ANKRD62: variants seen among roughly 807,000 people sequenced by gnomAD.
ANKRD62 encodes the protein ankyrin repeat domain-containing protein 62.
ANKRD62 carries 61 observed loss-of-function variants against 98.8 expected under a neutral mutation model. The observed-to-expected ratio is 0.62, with a 90% CI of 0.50 to 0.76. The LOEUF is 0.76. Ranked by LOEUF, ANKRD62 falls within the 30% of genes least tolerant of loss-of-function variation. The pLI is 0.00. For synonymous variants in ANKRD62, 341 were observed against 367.9 expected (o/e 0.93, Z 0.84); for missense variants, 933 against 1,082.9 (o/e 0.86, Z 1.94).
At chr18:12,177,670 C>T in the ANKRD62 span, among the ~76,000 whole-genome samples, 5 of 151,850 alleles carry the variant, frequency 3.3e-5, no homozygotes, top group South Asian at 2.1e-4. Context: ...TTCCCCCTAT[C>T]CCTTCATTTC....
At chr18:12,126,896 T>C (rs1909904226) in intron 13 of ANKRD62, among the ~76,000 whole-genome samples, 1 of 152,224 alleles carries the variant, frequency 6.6e-6, no homozygotes, top group Non-Finnish European at 1.5e-5. Flanking sequence ...TTTTTATTCA[T>C]GTCAATTTGA....
Position 12,111,209 on chromosome 18 carries a change from A to G in ANKRD62, c.1064+3742A>G, listed in dbSNP as rs1458268529. On this transcript the variant is annotated intron_variant, in intron 8 of 13. Coordinates refer to ENST00000587848, the MANE Select transcript of ANKRD62 (RefSeq NM_001277333.2). Reference sequence around the variant, plus strand: ...GGTTGCAGTGAGCCAAGATTGCACCACTGCACTCCAGCCTTGGTGATAGAG... The same window carrying G: ...GGTTGCAGTGAGCCAAGATTGCACCGCTGCACTCCAGCCTTGGTGATAGAG... 2.0e-5 allele frequency among the ~76,000 whole-genome samples: 3 copies of G among 151,596 alleles called. No homozygotes were observed. The East Asian group carries it at 5.8e-4, about 29-fold the overall frequency.
chr18:12,122,546 TC>T (rs1179505561), intron 11 of ANKRD62, 30 bp downstream of exon 11: 10 of 1,481,098 alleles, frequency 6.8e-6, no homozygotes, highest in Non-Finnish European at 8.9e-6. Context: ...AAGAAATATT[TC>T]AACTATTTAT....
At chr18:12,102,212 A>C in intron 6 of ANKRD62, 1 of 811,754 alleles carries the variant, frequency 1.2e-6, no homozygotes, top group Non-Finnish European at 2.2e-6. Flanking sequence ...CACAGAGCCA[A>C]GGATTCAAAT....
At chr18:12,161,530 C>A in the ANKRD62 span, among the ~76,000 whole-genome samples, 2 of 152,082 alleles carry the variant, frequency 1.3e-5, no homozygotes, top group East Asian at 3.9e-4. Context: ...TTTTGTGTTA[C>A]AAACCATCCA....
At chr18:12,161,430 A>T in the ANKRD62 span, among the ~76,000 whole-genome samples, 2 of 151,962 alleles carry the variant, frequency 1.3e-5, no homozygotes, top group African/African-American at 4.8e-5. Flanking sequence ...GTAGGTATAT[A>T]TATTTGTTGA....
At chr18:12,137,106 G>C in the ANKRD62 span, among the ~76,000 whole-genome samples, 1 of 152,144 alleles carries the variant, frequency 6.6e-6, no homozygotes, top group African/African-American at 2.4e-5. Context: ...TGGTAAGAGA[G>C]GGCATCCCTG....
Position 12,115,429 on chromosome 18 carries a change from G to T in ANKRD62, c.1135G>T (p.Asp379Tyr). 1 of 1,536,640 alleles carries T rather than the reference G, an allele frequency of 6.5e-7. No homozygotes were observed. Among genetic ancestry groups the T allele is most frequent in the South Asian group, 1.2e-5 (1 of 83,858 alleles). ...AATATATTTCACGGATGACCTTAATGACATAAGTGGGTCATCTGAAAAAAC... is the reference window on the plus strand; with the variant it reads ...AATATATTTCACGGATGACCTTAATTACATAAGTGGGTCATCTGAAAAAAC... The part of the protein sequence containing the change: ...SQIYFTDDLN[D>Y]ISGSSEKTSE... Residue 379 changes from aspartate (D) to tyrosine (Y), a missense_variant, in exon 10 of 14, where the codon GAC (aspartate) becomes TAC (tyrosine). Physicochemically the swap from Asp to Tyr is radical, Grantham distance 160. Around this residue, in one of 3 missense-constraint regions of ANKRD62, gnomAD observed 549 missense variants for 587.9 expected, o/e 0.93. Coordinates refer to ENST00000587848, the MANE Select transcript of ANKRD62 (RefSeq NM_001277333.2).
intron 6 of ANKRD62, chr18:12,102,411 G>A (rs949443328): frequency 2.9e-5 from 15 of 516,896 alleles, no homozygotes; most frequent in Admixed American, 4.8e-5. Flanking sequence ...GGGGTTCGCA[G>A]CAACAGAGCT....
chr18:12,099,047 T>C (rs1319118111), intron 5 of ANKRD62, among the ~76,000 whole-genome samples: 1 of 152,214 alleles, frequency 6.6e-6, no homozygotes, highest in Non-Finnish European at 1.5e-5. Flanking sequence ...TCCTGAATCA[T>C]AAGCTACAAA....
the ANKRD62 span, among the ~76,000 whole-genome samples, chr18:12,135,646 T>C: frequency 6.6e-6 from 1 of 151,804 alleles, no homozygotes; most frequent in African/African-American, 2.4e-5. Flanking sequence ...TGAACTAGTT[T>C]ACAGTCCCAC....
chr18:12,169,594 C>CT, the ANKRD62 span, among the ~76,000 whole-genome samples: 3 of 152,126 alleles, frequency 2.0e-5, no homozygotes, highest in African/African-American at 4.8e-5. Context: ...CTAAAATTCT[C>CT]TTTTTTTGTT....
the ANKRD62 span, among the ~76,000 whole-genome samples, chr18:12,167,604 A>G: frequency 2.0e-5 from 3 of 152,302 alleles, no homozygotes; most frequent in East Asian, 5.8e-4. Context: ...ACATGTGTGC[A>G]TGTGTCTTTA....
At chr18:12,109,671 A>G (rs999601169) in intron 8 of ANKRD62, among the ~76,000 whole-genome samples, 5 of 152,320 alleles carry the variant, frequency 3.3e-5, no homozygotes, top group East Asian at 1.9e-4. Flanking sequence ...GGGGATCCAT[A>G]TTTTATATAA....
chr18:12,162,051 A>T, the ANKRD62 span, among the ~76,000 whole-genome samples: 1 of 152,126 alleles, frequency 6.6e-6, no homozygotes, highest in Non-Finnish European at 1.5e-5. Context: ...TAGCAATGGG[A>T]TTGCTGGATC....
In ANKRD62 at chr18:12,124,136, G is replaced by A; in HGVS notation, c.1455-1G>A. ...TTTAAGATAAGTATATTTAACTACAGATTTATCTTACAACAACAAGAAGAA... is the reference window on the plus strand; with the variant it reads ...TTTAAGATAAGTATATTTAACTACAAATTTATCTTACAACAACAAGAAGAA... On this transcript the variant is annotated splice_acceptor_variant, in intron 11 of 13. Transcript: ENST00000587848. LOFTEE classifies it high-confidence loss of function. 7.9e-7 allele frequency: 1 copy of A among 1,258,502 alleles called. No individual in the cohort carries two copies. The highest frequency in any genetic ancestry group is 1.1e-6 in the Non-Finnish European group (1 of 908,924). 78.0% of individuals were successfully genotyped at this position (1,258,502 alleles called of 1,614,324 possible).
chr18:12,097,348 T>C (rs1568057613), intron 4 of ANKRD62, among the ~76,000 whole-genome samples: 1 of 152,216 alleles, frequency 6.6e-6, no homozygotes, highest in African/African-American at 2.4e-5. Flanking sequence ...TTAGCTACTT[T>C]AGATAAGTGA....
At chr18:12,160,731 C>A in the ANKRD62 span, among the ~76,000 whole-genome samples, 1 of 152,002 alleles carries the variant, frequency 6.6e-6, no homozygotes, top group African/African-American at 2.4e-5. Context: ...TTCTTTATTT[C>A]TTTAATCATG....
the ANKRD62 span, among the ~76,000 whole-genome samples, chr18:12,179,676 T>C: frequency 2.0e-5 from 3 of 150,770 alleles, no homozygotes; most frequent in Non-Finnish European, 4.4e-5. Flanking sequence ...GTCGACCAGA[T>C]TGTAGGATAC....
Sources: gnomAD v4.1 joint callset for allele counts (sites outside exome capture counted in the v4.1 genomes callset) on GRCh38, gnomAD v4.1.1 for gene constraint, gnomAD v4.1.1 regional missense constraint, MANE v1.5 for transcripts, NCBI Gene and HGNC (gene_info 2026-07-23, HGNC 2026-07-21) for gene names.